SPAG16: variants seen among roughly 807,000 people sequenced by gnomAD.
SPAG16 encodes the protein sperm associated antigen 16, also known as sperm-associated antigen 16 protein.
A neutral mutation model predicts 80.4 loss-of-function variants in SPAG16; 86 were observed. That is an observed-to-expected ratio of 1.07 (90% CI 0.90 to 1.28). SPAG16 has a LOEUF of 1.28. Among genes scored for constraint, SPAG16 ranks in the 50% most tolerant of loss-of-function variants. The pLI, the probability that SPAG16 is intolerant of heterozygous loss-of-function variation, is 0.00. For missense variants in SPAG16, 870 were observed against 765.3 expected, an observed-to-expected ratio of 1.14 and a Z score of -1.61; for synonymous variants, 294 against 265.9, an observed-to-expected ratio of 1.11 and a Z score of -1.03.
intron 11 of SPAG16, among the ~76,000 whole-genome samples, chr2:213,890,998 T>A (rs2106077742): frequency 6.6e-6 from 1 of 152,248 alleles, no homozygotes; most frequent in South Asian, 2.1e-4. Flanking sequence ...TTTAAAATCA[T>A]GTTTTCTTTG....
intron 13 of SPAG16, among the ~76,000 whole-genome samples, chr2:214,092,183 C>T (rs1016560606): frequency 1.3e-5 from 2 of 151,994 alleles, no homozygotes; most frequent in African/African-American, 4.8e-5. Context: ...AATGGTGCTG[C>T]AAAAACATAC....
intron 10 of SPAG16, among the ~76,000 whole-genome samples, chr2:213,822,741 C>A (rs1211644766): frequency 6.6e-6 from 1 of 152,130 alleles, no homozygotes; most frequent in African/African-American, 2.4e-5. Context: ...CCCCAGCCCC[C>A]AACAGGCCCT....
At chr2:214,137,926 A>G (rs529375340) in intron 14 of SPAG16, among the ~76,000 whole-genome samples, 1 of 152,242 alleles carries the variant, frequency 6.6e-6, no homozygotes, top group South Asian at 2.1e-4. Context: ...ATTTGATAGA[A>G]AAAAAGGACA....
At chr2:213,573,256 C>T (rs2059993104) in intron 10 of SPAG16, among the ~76,000 whole-genome samples, 2 of 151,956 alleles carry the variant, frequency 1.3e-5, no homozygotes, top group African/African-American at 2.4e-5. Flanking sequence ...CATCTTGGCT[C>T]CTCCCCTTCT....
chr2:213,659,463 G>C (rs1287095338), intron 10 of SPAG16, among the ~76,000 whole-genome samples: 1 of 152,094 alleles, frequency 6.6e-6, no homozygotes, highest in East Asian at 1.9e-4. Context: ...CAATTATAAA[G>C]TTAGGATAGT....
At chr2:213,333,695 C>T (rs1575233017) in intron 5 of SPAG16, among the ~76,000 whole-genome samples, 1 of 152,048 alleles carries the variant, frequency 6.6e-6, no homozygotes, top group East Asian at 1.9e-4. Flanking sequence ...AGAAACAAAA[C>T]CACATACCTA....
chr2:213,517,731 T>C (rs777122297), intron 10 of SPAG16, among the ~76,000 whole-genome samples: 3 of 152,196 alleles, frequency 2.0e-5, no homozygotes, highest in Non-Finnish European at 2.9e-5. Flanking sequence ...TAAATAGTGC[T>C]GGGACAATCG....
intron 10 of SPAG16, among the ~76,000 whole-genome samples, chr2:213,717,312 C>T (rs2066282987): frequency 6.6e-6 from 1 of 152,032 alleles, no homozygotes; most frequent in Non-Finnish European, 1.5e-5. Flanking sequence ...GCGCCCGCCA[C>T]CAAGCCTGGC....
At chr2:213,667,033 A>T (rs2063632689) in intron 10 of SPAG16, among the ~76,000 whole-genome samples, 1 of 152,190 alleles carries the variant, frequency 6.6e-6, no homozygotes, top group Non-Finnish European at 1.5e-5. Flanking sequence ...TAGAATGAGG[A>T]TGGTGATTGA....
At chr2:213,594,900 T>C (rs991918750) in intron 10 of SPAG16, among the ~76,000 whole-genome samples, 3 of 152,192 alleles carry the variant, frequency 2.0e-5, no homozygotes, top group African/African-American at 7.2e-5. Context: ...AGGATTATAA[T>C]GATTTTGGAA....
At chr2:214,268,692 G>C (rs2125887554) in intron 15 of SPAG16, among the ~76,000 whole-genome samples, 1 of 151,862 alleles carries the variant, frequency 6.6e-6, no homozygotes, top group Middle Eastern at 3.4e-3. Flanking sequence ...AAACAATAGA[G>C]AAATTATGGT....
At chr2:213,590,685 C>T (rs2060655345) in intron 10 of SPAG16, among the ~76,000 whole-genome samples, 1 of 152,104 alleles carries the variant, frequency 6.6e-6, no homozygotes, top group Non-Finnish European at 1.5e-5. Context: ...AAATGGAACG[C>T]TTATGTGCTG....
chr2:213,792,280 T>C (rs2070747622), intron 10 of SPAG16, among the ~76,000 whole-genome samples: 1 of 152,204 alleles, frequency 6.6e-6, no homozygotes, highest in African/African-American at 2.4e-5. Context: ...CTGTGCAATA[T>C]TCCATTTGAC....
At chr2:213,793,081 C>T (rs1012226576) in intron 10 of SPAG16, among the ~76,000 whole-genome samples, 2 of 152,000 alleles carry the variant, frequency 1.3e-5, no homozygotes, top group Non-Finnish European at 2.9e-5. Flanking sequence ...CGCCTGCCAC[C>T]GCGCCCAGCT....
chr2:213,689,893 C>T (rs1289733428), intron 10 of SPAG16, among the ~76,000 whole-genome samples: 2 of 152,130 alleles, frequency 1.3e-5, no homozygotes, highest in Admixed American at 1.3e-4. Flanking sequence ...TTTCTTCACA[C>T]CACTCATTTA....
intron 12 of SPAG16, among the ~76,000 whole-genome samples, chr2:213,953,800 C>A (rs1470865662): frequency 6.6e-6 from 1 of 151,572 alleles, no homozygotes; most frequent in Non-Finnish European, 1.5e-5. Context: ...AAAAGGCATC[C>A]TTTACATAAA....
At chr2:213,529,479 T>G (rs2075997932) in intron 10 of SPAG16, among the ~76,000 whole-genome samples, 1 of 152,202 alleles carries the variant, frequency 6.6e-6, no homozygotes, top group Admixed American at 6.6e-5. Context: ...CACTACTGCA[T>G]TAACACACAG....
intron 14 of SPAG16, among the ~76,000 whole-genome samples, chr2:214,108,479 A>ACCC (rs1553719294): frequency 2.5e-4 from 13 of 52,370 alleles, no homozygotes; most frequent in South Asian, 1.7e-3. Context: ...ACACACACAC[A>ACCC]CCCCCACACA....
intron 11 of SPAG16, among the ~76,000 whole-genome samples, chr2:213,894,322 C>G (rs930032862): frequency 6.6e-6 from 1 of 152,104 alleles, no homozygotes; most frequent in African/African-American, 2.4e-5. Context: ...ATCATATTAA[C>G]ATAACCCAGA....
Sources: allele counts gnomAD v4.1 joint callset (sites outside exome capture counted in the v4.1 genomes callset), GRCh38; gene constraint gnomAD v4.1.1; transcripts MANE v1.5; gene names NCBI Gene and HGNC (gene_info 2026-07-23, HGNC 2026-07-21).